XKR3: variants seen among roughly 807,000 people sequenced by gnomAD.
XKR3 encodes the protein XK related 3, also known as XK-related protein 3.
A neutral mutation model predicts 40.3 loss-of-function variants in XKR3; 27 were observed. The observed-to-expected ratio is 0.67, with a 90% CI of 0.49 to 0.92. XKR3 has a LOEUF of 0.92. Ranked by LOEUF, XKR3 falls within the 40% of genes least tolerant of loss-of-function variation. The pLI is 0.00. For synonymous variants in XKR3, 193 were observed against 195.4 expected (o/e 0.99, Z 0.10); for missense variants, 472 against 537.6 (o/e 0.88, Z 1.21).
chr22:16,800,212 C>T (rs916788519), intron 2 of XKR3, among the ~76,000 whole-genome samples, 188 bp from the exon 3 acceptor site: 11 of 151,996 alleles, frequency 7.2e-5, no homozygotes, highest in African/African-American at 2.7e-4. Context: ...TATGGTAGTT[C>T]TTCCCCTCAT....
chr22:16,821,555 C>T (rs984579578), intron 1 of XKR3: 1 of 151,680 alleles, frequency 6.6e-6, no homozygotes, highest in African/African-American at 2.4e-5. Flanking sequence ...AACAGTAATA[C>T]TCAGCAAGAT....
intron 2 of XKR3, among the ~76,000 whole-genome samples, chr22:16,805,124 A>T (rs1322070045): frequency 1.3e-5 from 2 of 152,312 alleles, no homozygotes; most frequent in South Asian, 2.1e-4. Context: ...CAAACAGATT[A>T]AAAAAAGGAG....
chr22:16,791,778 G>GGA (rs763159994), intron 3 of XKR3, among the ~76,000 whole-genome samples: 677 of 123,174 alleles, frequency 5.5e-3, no homozygotes, highest in African/African-American at 8.4e-3. Flanking sequence ...GGAGAGAGAG[G>GGA]GAGAGAGAGA....
chr22:16,807,373 T>C (rs2060193718), intron 2 of XKR3, among the ~76,000 whole-genome samples: 1 of 152,188 alleles, frequency 6.6e-6, no homozygotes, highest in Non-Finnish European at 1.5e-5. Flanking sequence ...TTTTCAAGTC[T>C]TTCTCTCTTC....
chr22:16,802,291 A>C (rs2060172434), intron 2 of XKR3, among the ~76,000 whole-genome samples: 1 of 152,144 alleles, frequency 6.6e-6, no homozygotes, highest in Non-Finnish European at 1.5e-5. Context: ...CTTGTCTTTC[A>C]TTATCTTATA....
At chr22:16,806,477 T>TG (rs974209192) in intron 2 of XKR3, among the ~76,000 whole-genome samples, 22 of 150,716 alleles carry the variant, frequency 1.5e-4, no homozygotes, top group African/African-American at 5.1e-4. Flanking sequence ...AGGTTTTTTT[T>TG]TTTTTTTTTT....
intron 2 of XKR3, among the ~76,000 whole-genome samples, chr22:16,806,521 T>G (rs1398876032): frequency 6.6e-6 from 1 of 150,800 alleles, no homozygotes; most frequent in Non-Finnish European, 1.5e-5. Context: ...AGGCGCAACT[T>G]CTGCCTCCCA....
At chr22:16,798,582 TC>T (rs2060152703) in intron 3 of XKR3, among the ~76,000 whole-genome samples, 1 of 152,198 alleles carries the variant, frequency 6.6e-6, no homozygotes, top group African/African-American at 2.4e-5. Context: ...CAGGTGCCCA[TC>T]AATGGTACAC....
At chr22:16,797,452 T>C (rs1391310694) in intron 3 of XKR3, among the ~76,000 whole-genome samples, 1 of 152,136 alleles carries the variant, frequency 6.6e-6, no homozygotes, top group East Asian at 1.9e-4. Context: ...CCAGAATCTA[T>C]AGGGAACTTA....
At chr22:16,791,913 G>GT (rs10617091) in intron 3 of XKR3, among the ~76,000 whole-genome samples, 94 of 150,118 alleles carry the variant, frequency 6.3e-4, no homozygotes, top group Middle Eastern at 3.4e-3. Context: ...TTTTCTTTTT[G>GT]TTTTTTTTTT....
At chr22:16,808,905 T>C (rs1197290043) in intron 1 of XKR3, among the ~76,000 whole-genome samples, 3 of 151,986 alleles carry the variant, frequency 2.0e-5, no homozygotes, top group South Asian at 2.1e-4. Context: ...AGAAATATTT[T>C]TCTGACTAAA....
chr22:16,794,844 T>C (rs1426009973), intron 3 of XKR3, among the ~76,000 whole-genome samples: 3 of 152,160 alleles, frequency 2.0e-5, no homozygotes, highest in African/African-American at 7.2e-5. Context: ...AGATCCATCA[T>C]GCTAATGGAA....
intron 1 of XKR3, among the ~76,000 whole-genome samples, chr22:16,822,481 A>G (rs1233917944): frequency 6.6e-6 from 1 of 152,330 alleles, no homozygotes; most frequent in East Asian, 1.9e-4. Flanking sequence ...TCAGCACATT[A>G]ACTGTAAATG....
At chr22:16,793,023 A>C (rs1338541252) in intron 3 of XKR3, among the ~76,000 whole-genome samples, 1 of 151,588 alleles carries the variant, frequency 6.6e-6, no homozygotes, top group Non-Finnish European at 1.5e-5. Flanking sequence ...TATTTTATTT[A>C]TTTTTTGAGG....
chr22:16,807,933 C>T lies in XKR3; in HGVS notation c.141G>A (p.Glu47=), dbSNP rs369847544. The T allele has an allele frequency of 3.0e-5, 48 of 1,613,970 alleles. No individual in the cohort carries two copies. In the African/African-American group the frequency reaches 6.1e-4, roughly 21 times the overall value. The change falls in exon 2 of 4, where the codon GAG becomes GAA. Residue 47 remains glutamate (E), a synonymous_variant. Transcript: ENST00000684488. The part of the protein sequence containing the change: ...IIFSTVLYCG[E]VAFGLYMFEI... Reference sequence around the variant, plus strand: ...CAAACATGTATAAACCAAAGGCAACCTCACCACAGTAGAGAACAGTTGAGA... The same window carrying T: ...CAAACATGTATAAACCAAAGGCAACTTCACCACAGTAGAGAACAGTTGAGA...
At chr22:16,786,534 G>A (rs1569034905) in intron 3 of XKR3, among the ~76,000 whole-genome samples, 1 of 152,280 alleles carries the variant, frequency 6.6e-6, no homozygotes, top group East Asian at 1.9e-4. Flanking sequence ...CTGGTTGACT[G>A]AATAAACCTC....
chr22:16,800,645 A>G (rs1223760968), intron 2 of XKR3, among the ~76,000 whole-genome samples: 1 of 152,212 alleles, frequency 6.6e-6, no homozygotes, highest in African/African-American at 2.4e-5. Context: ...ACATACACAG[A>G]TATGATCTAT....
chr22:16,787,034 C>T (rs1341979940), intron 3 of XKR3, among the ~76,000 whole-genome samples: 3 of 151,744 alleles, frequency 2.0e-5, no homozygotes, highest in Admixed American at 6.6e-5. Context: ...TATCAGAGAA[C>T]CTTAGCAAGG....
At chr22:16,822,451 A>G (rs1275084944) in intron 1 of XKR3, among the ~76,000 whole-genome samples, 1 of 152,202 alleles carries the variant, frequency 6.6e-6, no homozygotes, top group African/African-American at 2.4e-5. Context: ...ACACATGGAG[A>G]AAACAGAAAG....
Sources: allele counts gnomAD v4.1 joint callset (sites outside exome capture counted in the v4.1 genomes callset), GRCh38; gene constraint gnomAD v4.1.1; transcripts MANE v1.5; gene names NCBI Gene and HGNC (gene_info 2026-07-23, HGNC 2026-07-21).